Variants in C1S observed in about 807,000 individuals in gnomAD.
C1S encodes the protein complement C1s, also known as complement C1s subcomponent.
Under a neutral mutation model 54.0 loss-of-function variants are expected in C1S, and 31 were observed. That is an observed-to-expected ratio of 0.57 (90% CI 0.43 to 0.78). The LOEUF (loss-of-function observed/expected upper bound fraction) is 0.78. C1S is among the 30% of genes least tolerant of loss of function. C1S has a pLI of 0.00. For synonymous variants in C1S, 292 were observed against 303.6 expected, an observed-to-expected ratio of 0.96 and a Z score of 0.40; for missense variants, 727 against 851.8, an observed-to-expected ratio of 0.85 and a Z score of 1.82.
chr12:7,062,131 C>T (rs782710987), intron 2 of C1S: 7 of 591,348 alleles, frequency 1.2e-5, no homozygotes, highest in East Asian at 5.9e-5. Context: ...ATTAGCCCAG[C>T]GTCATGCGTG....
At position 7,070,723 on chromosome 12, in the gene C1S, C is replaced by T; in HGVS notation, c.*72C>T. 1 of 1,195,852 alleles carries T rather than the reference C, an allele frequency of 8.4e-7. No homozygotes were observed. Among genetic ancestry groups the T allele is most frequent in the South Asian group, 1.2e-5 (1 of 82,112 alleles). The allele number at this position is 1,195,852 out of a possible 1,614,324, so 74.1% of individuals were successfully genotyped here. ...TACCTTCTGTTCCTTATGATATTCT[C>T]ATTATTTCATCATGACTGAAAGAAG... On this transcript the variant is annotated 3_prime_UTR_variant, in exon 12 of 12. Transcript: ENST00000360817. The surrounding 1 kb of genome is among the most constrained non-coding windows in gnomAD (Gnocchi z 4.9).
Position 7,064,281 on chromosome 12 carries a change from A to C in C1S, c.406A>C (p.Thr136Pro). Reference protein sequence around the residue: ...YYVATDINECTDFVDVPCSHF... With the variant: ...YYVATDINECPDFVDVPCSHF... ...ACTCTTTGTAGACATAAATGAATGC[A>C]CAGATTTTGTAGATGTCCCTTGTAG... Residue 136 changes from threonine (T) to proline (P), a missense_variant, in exon 5 of 12, where the codon ACA becomes CCA. This residue lies in a region of C1S where 357 missense variants were observed against 365.4 expected (regional missense o/e 0.98). Transcript: ENST00000360817. 6.2e-7 allele frequency: 1 copy of C among 1,614,044 alleles called. No homozygotes were observed. The highest frequency in any genetic ancestry group is 1.1e-5 in the South Asian group (1 of 91,088).
Position 7,067,695 on chromosome 12 carries a change from A to T in C1S, c.1119A>T (p.Pro373=). The change falls in exon 10 of 12, where the codon CCA becomes CCT. Residue 373 remains proline, a synonymous_variant. Coordinates refer to ENST00000360817, the MANE Select transcript of C1S (RefSeq NM_001734.5). ...TTGAGAATGGTAAAGTTGAAGACCC[A>T]GAGAGCACTTTGTTTGGTTCTGTCA... ...ESIENGKVED[P]ESTLFGSVIR... 1.2e-6 allele frequency: 2 copies of T among 1,613,994 alleles called. No homozygotes were observed. Among genetic ancestry groups the T allele is most frequent in the Non-Finnish European group, 1.7e-6 (2 of 1,179,860 alleles).
chr12:7,064,150 C>T (rs781873729), intron 4 of C1S, 117 bp from the exon 5 acceptor site: 44 of 1,004,904 alleles, frequency 4.4e-5, no homozygotes, highest in South Asian at 1.4e-4. Context: ...GATCCCTTGA[C>T]GGATCTTTAA....
rs2238118 is a variant in C1S at position 7,063,436 on chromosome 12, A to G, written c.391+369A>G. 4.5e-4 allele frequency: 199 copies of G among 445,130 alleles called. 8 individuals carry two copies. The East Asian group carries it at 9.6e-3, about 22-fold the overall frequency. The allele number at this position is 445,130 out of a possible 1,614,324, so 27.6% of individuals were successfully genotyped here. ...AAGAAAATAAGGACTAGGAAAGTTA[A>G]TAACTTGCCAAGAATCACACAAGGA... On this transcript the variant is annotated intron_variant, in intron 4 of 11. Coordinates refer to ENST00000360817, the MANE Select transcript of C1S (RefSeq NM_001734.5).
At position 7,062,983 on chromosome 12, in the gene C1S, T is replaced by C. The variant is rs781822765; in HGVS notation, c.307T>C (p.Tyr103His). The stretch of plus-strand genomic sequence containing the variant: ...AATTGTGGAAGAGTTCCAAGTCCCA[T>C]ACAACAAACTCCAGGTGATCTTTAA... ...SPIVEEFQVP[Y>H]NKLQVIFKSD... is the part of the protein sequence containing the mutation. The change falls in exon 4 of 12, where the codon TAC (tyrosine) becomes CAC (histidine). Residue 103 changes from tyrosine to histidine, a missense_variant. Tyr to His is a moderately conservative substitution (Grantham distance 83, BLOSUM62 2). This residue lies in a region of C1S where 357 missense variants were observed against 365.4 expected (regional missense o/e 0.98). Coordinates refer to ENST00000360817, the MANE Select transcript of C1S (RefSeq NM_001734.5). 3 of 1,614,090 alleles carry C rather than the reference T, an allele frequency of 1.9e-6. No individual in the cohort carries two copies. The highest frequency in any genetic ancestry group is 2.5e-6 in the Non-Finnish European group (3 of 1,179,964).
chr12:7,065,144 G>A lies in C1S; in HGVS notation c.562G>A (p.Ala188Thr). 6.2e-7 allele frequency: 1 copy of A among 1,614,062 alleles called. No individual in the cohort carries two copies. The stretch of plus-strand genomic sequence containing the variant: ...ATTCACTGCACTGATTGGGGAGATT[G>A]CAAGTCCCAATTATCCCAAACCATA... The part of the protein sequence containing the change: ...DVFTALIGEI[A>T]SPNYPKPYPE... Residue 188 changes from alanine to threonine, a missense_variant, in exon 6 of 12, where the codon GCA becomes ACA. This residue lies in a region of C1S where 357 missense variants were observed against 365.4 expected (regional missense o/e 0.98). Coordinates refer to ENST00000360817, the MANE Select transcript of C1S (RefSeq NM_001734.5).
chr12:7,069,837 T>A lies in C1S; in HGVS notation c.1271-18T>A. ...ATCATTTCTTCCTCCTTCCCTGTGT[T>A]GTTTTATTCCTTCCTAGTCTGTGGA... is the stretch of plus-strand genomic sequence containing the variant. On this transcript the variant is annotated intron_variant, in intron 11 of 11. Coordinates refer to ENST00000360817, the MANE Select transcript of C1S (RefSeq NM_001734.5). The A allele has an allele frequency of 6.2e-7, 1 of 1,602,222 alleles. No individual in the cohort carries two copies. The highest frequency in any genetic ancestry group is 2.2e-5 in the East Asian group (1 of 44,822).
At position 7,064,352 on chromosome 12, in the gene C1S, C is replaced by T; in HGVS notation, c.477C>T (p.Pro159=). ...NFIGGYFCSC[P]PEYFLHDDMK... ...TTGGTGGTTACTTCTGCTCCTGCCC[C>T]CCGGAATATTTCCTCCATGATGACA... Residue 159 remains proline (P), a synonymous_variant, in exon 5 of 12, where the codon CCC becomes CCT. Coordinates refer to ENST00000360817, the MANE Select transcript of C1S (RefSeq NM_001734.5). The T allele has an allele frequency of 6.2e-7, 1 of 1,614,048 alleles. No homozygotes were observed. Among genetic ancestry groups the T allele is most frequent in the Non-Finnish European group, 8.5e-7 (1 of 1,179,982 alleles).
rs1385460452 is a variant in C1S at position 7,066,370 on chromosome 12, T to G, written c.872-148T>G. ...GTGGTTAGTTGGTAATGCCATATGA[T>G]TTTAGACATCTGCTGTATTGGAATG... On this transcript the variant is annotated intron_variant, in intron 7 of 11. Coordinates refer to ENST00000360817, the MANE Select transcript of C1S (RefSeq NM_001734.5). 8.5e-6 allele frequency: 6 copies of G among 702,674 alleles called. No homozygotes were observed. The African/African-American group carries it at 1.1e-4, about 12-fold the overall frequency. The allele number at this position is 702,674 out of a possible 1,614,324, so 43.5% of individuals were successfully genotyped here.
chr12:7,063,253 T>A, intron 4 of C1S, 186 bp downstream of exon 4: 1 of 613,734 alleles, frequency 1.6e-6, no homozygotes. Context: ...TTAGTGGTGA[T>A]GATGATCATG....
chr12:7,067,516 G>C lies in C1S; in HGVS notation c.1067-127G>C, dbSNP rs781912451. 7.6e-4 allele frequency: 789 copies of C among 1,037,352 alleles called. 14 individuals carry two copies. In the South Asian group the frequency reaches 9.8e-3, roughly 13 times the overall value. The allele number at this position is 1,037,352 out of a possible 1,614,324, so 64.3% of individuals were successfully genotyped here. A position where few individuals can be genotyped will look rare whatever the true frequency, so the allele number is the denominator to read the frequency against. ...GGATGGCCACAGAGAGGCTGGTGTG[G>C]GGAGGTTCATCCCAGGTGTGCCTGT... is the stretch of plus-strand genomic sequence containing the variant. On this transcript the variant is annotated intron_variant, in intron 9 of 11. Transcript: ENST00000360817.
chr12:7,064,048 C>CACACACACACACACACA lies in C1S; in HGVS notation c.392-219_392-218insACACACACACACACACA, dbSNP rs782603417. The CACACACACACACACACA allele has an allele frequency of 1.9e-5, 11 of 566,152 alleles. No individual in the cohort carries two copies. The African/African-American group carries it at 2.3e-4, about 12-fold the overall frequency. 35.1% of individuals were successfully genotyped at this position (566,152 alleles called of 1,614,324 possible). ...GGCTATGTCACTTACACACACACAC[C>CACACACACACACACACA]CCCGAGCTTCCTTATAGCTGTGTAG... On this transcript the variant is annotated intron_variant, in intron 4 of 11. Coordinates refer to ENST00000360817, the MANE Select transcript of C1S (RefSeq NM_001734.5).
chr12:7,063,066 A>C lies in C1S; in HGVS notation c.390A>C (p.Thr130=), dbSNP rs1359629484. Residue 130 remains threonine (T), a splice_region_variant and synonymous_variant, in exon 4 of 12, where the codon ACA becomes ACC. Transcript: ENST00000360817. ...FTGFAAYYVA[T]DINECTDFVD... is the part of the protein sequence containing the mutation. ...GGTTTGCTGCATACTATGTTGCCAC[A>C]GGTAAGGCTCACCCTTCTGCATGTG... is the stretch of plus-strand genomic sequence containing the variant. 6.2e-7 allele frequency: 1 copy of C among 1,612,478 alleles called. No individual in the cohort carries two copies. The highest frequency in any genetic ancestry group is 8.5e-7 in the Non-Finnish European group (1 of 1,179,734).
chr12:7,062,609 G>A lies in C1S; in HGVS notation c.140G>A (p.Gly47Glu). The A allele has an allele frequency of 6.2e-7, 1 of 1,614,136 alleles. No individual in the cohort carries two copies. The highest frequency in any genetic ancestry group is 8.5e-7 in the Non-Finnish European group (1 of 1,180,014). Residue 47 changes from glycine (G) to glutamate (E), a missense_variant, in exon 3 of 12, where the codon GGG (glycine) becomes GAG (glutamate). Gly to Glu is a moderately conservative substitution (Grantham distance 98, BLOSUM62 -2). This residue lies in a region of C1S where 357 missense variants were observed against 365.4 expected (regional missense o/e 0.98). Coordinates refer to ENST00000360817, the MANE Select transcript of C1S (RefSeq NM_001734.5). ...TCTTGGGACATAGAAGTTCCTGAAG[G>A]GTATGGGATTCACCTCTACTTCACC... ...EKSWDIEVPE[G>E]YGIHLYFTHL...
chr12:7,070,877 A>G lies in C1S; in HGVS notation c.*226A>G, dbSNP rs942303511. On this transcript the variant is annotated 3_prime_UTR_variant, in exon 12 of 12. Transcript: ENST00000360817. This position sits in a 1 kb window ranked among gnomAD's most constrained non-coding sequence, Gnocchi z 4.9. ...TTGGGGTCCTTTCCCCGGAGTACCT[A>G]TTGTAGATAACACTATGGGTGGGGC... 8.7e-6 allele frequency: 5 copies of G among 572,868 alleles called. No individual in the cohort carries two copies. Among genetic ancestry groups the G allele is most frequent in the African/African-American group, 7.5e-5 (4 of 53,438 alleles). The allele number at this position is 572,868 out of a possible 1,614,324, so 35.5% of individuals were successfully genotyped here. A position where few individuals can be genotyped will look rare whatever the true frequency, so the allele number is the denominator to read the frequency against.
At chr12:7,062,075 G>A in intron 2 of C1S, 158 bp downstream of exon 2, 1 of 734,474 alleles carries the variant, frequency 1.4e-6, no homozygotes, top group Admixed American at 2.1e-5. Flanking sequence ...TTTGAGACCA[G>A]CCTGGGCAAC....
Position 7,065,879 on chromosome 12 carries a change from T to A in C1S, c.780T>A (p.Asn260Lys). 6.2e-7 allele frequency: 1 copy of A among 1,613,334 alleles called. No homozygotes were observed. The highest frequency in any genetic ancestry group is 1.3e-5 in the African/African-American group (1 of 74,984). Residue 260 changes from asparagine (N) to lysine (K), a missense_variant, in exon 7 of 12, where the codon AAT becomes AAA. By Grantham distance (94) the Asn-to-Lys change is moderately conservative. This residue lies in a region of C1S where 357 missense variants were observed against 365.4 expected (regional missense o/e 0.98). Coordinates refer to ENST00000360817, the MANE Select transcript of C1S (RefSeq NM_001734.5). ...YCGHGFPGPL[N>K]IETKSNALDI... is the part of the protein sequence containing the mutation. ...GTCATGGATTCCCTGGGCCTCTAAA[T>A]ATTGAAACCAAGAGTAATGCTCTTG...
chr12:7,064,614 A>G (rs1030776102), intron 5 of C1S, among the ~76,000 whole-genome samples: 1 of 152,076 alleles, frequency 6.6e-6, no homozygotes, highest in Non-Finnish European at 1.5e-5. Flanking sequence ...TTAGTGGTCA[A>G]TTCTGAGATT....
Sources: gnomAD v4.1 joint callset for allele counts (sites outside exome capture counted in the v4.1 genomes callset) on GRCh38, gnomAD v4.1.1 for gene constraint, gnomAD v4.1.1 regional missense constraint, Gnocchi (gnomAD v3.1) non-coding constraint, MANE v1.5 for transcripts, NCBI Gene and HGNC (gene_info 2026-07-23, HGNC 2026-07-21) for gene names.